Variants in SLC8A1 observed in about 807,000 individuals in gnomAD.
SLC8A1 encodes the protein solute carrier family 8 member A1, also known as sodium/calcium exchanger 1.
Under a neutral mutation model 68.3 loss-of-function variants are expected in SLC8A1, and 18 were observed. The ratio of observed to expected loss-of-function variants is 0.26; its 90% confidence interval spans 0.18 to 0.39. The LOEUF is 0.39. SLC8A1 is among the 10% of genes least tolerant of loss of function. The pLI, the probability that SLC8A1 is intolerant of heterozygous loss-of-function variation, is 1.00. For missense variants in SLC8A1, 985 were observed against 1,156.7 expected (o/e 0.85, Z 2.15); for synonymous variants, 475 against 415.5 (o/e 1.14, Z -1.74).
intron 2 of SLC8A1, among the ~76,000 whole-genome samples, chr2:40,232,116 T>A (rs1250430047): frequency 1.3e-5 from 2 of 151,948 alleles, no homozygotes; most frequent in African/African-American, 2.4e-5. Context: ...AGGTGGTAGA[T>A]CACTGAAGGT....
intron 3 of SLC8A1, 44 bp from the exon 4 acceptor site, chr2:40,175,325 G>C (rs1002346028): frequency 1.3e-6 from 2 of 1,586,198 alleles, no homozygotes; most frequent in East Asian, 2.2e-5. Context: ...TAAGAGACCA[G>C]ATGAATAATG....
At chr2:40,321,043 G>C (rs890639271) in intron 2 of SLC8A1, among the ~76,000 whole-genome samples, 1 of 152,068 alleles carries the variant, frequency 6.6e-6, no homozygotes. Context: ...CCCTGAATTG[G>C]GAGCTAAAAA....
chr2:40,430,191 C>A, exon 2 of SLC8A1: 1 of 1,613,666 alleles, frequency 6.2e-7, no homozygotes, highest in Non-Finnish European at 8.5e-7. Flanking sequence ...TTACATGGTC[C>A]ACATGGGAAA....
intron 2 of SLC8A1, among the ~76,000 whole-genome samples, chr2:40,331,862 G>C (rs975546790): frequency 3.9e-5 from 6 of 151,972 alleles, no homozygotes; most frequent in Admixed American, 1.3e-4. Context: ...CAAAGTGCTG[G>C]GATTACAGGC....
intron 4 of SLC8A1, among the ~76,000 whole-genome samples, chr2:40,171,177 T>G (rs1204226704): frequency 6.6e-6 from 1 of 152,242 alleles, no homozygotes; most frequent in Non-Finnish European, 1.5e-5. Context: ...CTCTCAGGCT[T>G]CTCAGTTATA....
In SLC8A1 at chr2:40,165,062, C is replaced by T. The variant is rs1312948806; in HGVS notation, c.1931-78G>A. 7 of 1,584,406 alleles carry T rather than the reference C, an allele frequency of 4.4e-6. No individual in the cohort carries two copies. The East Asian group carries it at 1.6e-4, about 35-fold the overall frequency. On this transcript the variant is annotated intron_variant, in intron 4 of 7. Transcript: ENST00000406785. ...ATCCCTGGATCCTGCCATAAGAAAG[C>T]CAAGGAGGAAGGAAGCCCTAATGAC...
chr2:40,383,142 C>G (rs879912344), intron 2 of SLC8A1, among the ~76,000 whole-genome samples: 44 of 151,878 alleles, frequency 2.9e-4, no homozygotes, highest in Non-Finnish European at 2.4e-4. Context: ...TCCTTGTATT[C>G]AAAATTGGCA....
chr2:40,298,692 T>C (rs576980702), intron 2 of SLC8A1, among the ~76,000 whole-genome samples: 5 of 152,268 alleles, frequency 3.3e-5, no homozygotes, highest in South Asian at 4.1e-4. Context: ...ACTTGTAAAA[T>C]GGTAACATAC....
chr2:40,172,709 G>A (rs536280151), intron 4 of SLC8A1, among the ~76,000 whole-genome samples: 6 of 152,220 alleles, frequency 3.9e-5, no homozygotes, highest in African/African-American at 1.4e-4. Flanking sequence ...TTGGGAGGCC[G>A]AGGTGGGTGG....
chr2:40,178,480 C>T (rs2048875033), intron 2 of SLC8A1: 1 of 1,612,796 alleles, frequency 6.2e-7, no homozygotes, highest in Admixed American at 1.7e-5. Flanking sequence ...ATTACCTTGA[C>T]TGATATTGTT....
rs1191619172 is a variant in SLC8A1 at position 40,500,795 on chromosome 2, C to CTTTTTTTTTTTT, written c.-25+11542_-25+11553dup. On this transcript the variant is annotated intron_variant, in intron 1 of 7. Transcript: ENST00000402441. ...TATAAGGTAAGGTATTATCATCTGA[C>CTTTTTTTTTTTT]TTTTTTTTTTTTTTTTTTTTTTTTT... 1.6e-4 allele frequency among the ~76,000 whole-genome samples: 6 copies of CTTTTTTTTTTTT among 37,232 alleles called. 1 individual carries two copies. Among genetic ancestry groups the CTTTTTTTTTTTT allele is most frequent in the East Asian group, 1.0e-3 (1 of 986 alleles). 24.4% of individuals were successfully genotyped at this position (37,232 alleles called of 152,430 possible).
At chr2:40,256,866 C>T (rs1005196896) in intron 2 of SLC8A1, among the ~76,000 whole-genome samples, 2 of 152,062 alleles carry the variant, frequency 1.3e-5, no homozygotes, top group African/African-American at 4.8e-5. Context: ...CAGCCTTTTG[C>T]ATTACTCTCT....
At chr2:40,319,181 T>C (rs952520759) in intron 2 of SLC8A1, among the ~76,000 whole-genome samples, 1 of 152,220 alleles carries the variant, frequency 6.6e-6, no homozygotes, top group East Asian at 1.9e-4. Flanking sequence ...TGGATTGTTT[T>C]ATGAGATGCG....
At chr2:40,509,342 T>A (rs1170059024) in intron 1 of SLC8A1, among the ~76,000 whole-genome samples, 1 of 152,096 alleles carries the variant, frequency 6.6e-6, no homozygotes, top group Non-Finnish European at 1.5e-5. Flanking sequence ...CTCAGGCCTT[T>A]TGTGTCATTT....
intron 3 of SLC8A1, 31 bp from the exon 4 acceptor site, chr2:40,175,312 G>C: frequency 6.2e-7 from 1 of 1,605,896 alleles, no homozygotes; most frequent in Non-Finnish European, 8.5e-7. Context: ...GACAAACACA[G>C]AATAAGAGAC....
In SLC8A1 at chr2:40,165,967, A is replaced by G. The variant is rs61390507; in HGVS notation, c.1931-983T>C. Among the ~76,000 whole-genome samples the G allele has an allele frequency of 3.5e-3, 531 of 152,326 alleles. 3 individuals are homozygous for G. Among genetic ancestry groups the G allele is most frequent in the African/African-American group, 0.012 (499 of 41,580 alleles). On this transcript the variant is annotated intron_variant, in intron 4 of 7. Coordinates refer to ENST00000406785, the Ensembl canonical transcript of SLC8A1. Reference sequence around the variant, plus strand: ...CTTCTTCTCAGATTTAAGTGGAATGAACATTGTCTCCAATGAAACATTATC... The same window carrying G: ...CTTCTTCTCAGATTTAAGTGGAATGGACATTGTCTCCAATGAAACATTATC...
rs2053966963 is a variant in SLC8A1 at position 40,200,211 on chromosome 2, T to TTTATATATAA, written c.1809-22357_1809-22356insTTATATATAA. ...ATATATTTATATATATATATAAATA[T>TTTATATATAA]ATATATATTTTTTTATATATATATA... On this transcript the variant is annotated intron_variant, in intron 2 of 7. Transcript: ENST00000406785. Among the ~76,000 whole-genome samples the TTTATATATAA allele has an allele frequency of 2.8e-4, 2 of 7,038 alleles. 1 individual carries two copies. The highest frequency in any genetic ancestry group is 4.8e-4 in the Non-Finnish European group (2 of 4,140). The allele number at this position is 7,038 out of a possible 152,430, so 4.6% of individuals were successfully genotyped here.
intron 2 of SLC8A1, among the ~76,000 whole-genome samples, chr2:40,217,746 G>A (rs1041948463): frequency 1.3e-5 from 2 of 152,162 alleles, no homozygotes; most frequent in Admixed American, 1.3e-4. Flanking sequence ...GAAACCAGTA[G>A]TTTGAAGATT....
chr2:40,474,720 T>C (rs1704179555), intron 1 of SLC8A1, among the ~76,000 whole-genome samples: 1 of 152,228 alleles, frequency 6.6e-6, no homozygotes. Flanking sequence ...TATTTTATAC[T>C]TAAAGAAACT....
Sources: gnomAD v4.1 joint callset for allele counts (sites outside exome capture counted in the v4.1 genomes callset) on GRCh38, gnomAD v4.1.1 for gene constraint, MANE v1.5 for transcripts, NCBI Gene and HGNC (gene_info 2026-07-23, HGNC 2026-07-21) for gene names.